Variants in RC3H2 observed in about 807,000 individuals in gnomAD.
The protein encoded by RC3H2 is ring finger and CCCH-type domains 2.
In RC3H2, 31 loss-of-function variants were observed where a neutral mutation model predicts 133.3. The observed-to-expected ratio is 0.23, with a 90% CI of 0.17 to 0.31. RC3H2 has a LOEUF of 0.31. Ranked by LOEUF, RC3H2 falls within the 10% of genes least tolerant of loss-of-function variation. RC3H2 has a pLI of 1.00. For missense variants in RC3H2, 1,175 were observed against 1,437.2 expected (o/e 0.82, Z 2.95); for synonymous variants, 517 against 502.2 (o/e 1.03, Z -0.40).
At position 122,890,528 on chromosome 9, in the gene RC3H2, G is replaced by C; in HGVS notation, c.367C>G (p.Gln123Glu). 6.2e-7 allele frequency: 1 copy of C among 1,612,474 alleles called. No homozygotes were observed. Among genetic ancestry groups the C allele is most frequent in the Non-Finnish European group, 8.5e-7 (1 of 1,178,606 alleles). Residue 123 changes from glutamine to glutamate, a missense_variant, in exon 4 of 21, where the codon CAG becomes GAG. Transcript: ENST00000357244. The stretch of plus-strand genomic sequence containing the variant: ...TGCATTGGACGGCTCAGTGCACTCT[G>C]GTTCAAGCTAGCTACACCTTTAGGA... Reference protein sequence around the residue: ...SGGKGVASLNQSALSRPMQRK... With the variant: ...SGGKGVASLNESALSRPMQRK...
At position 122,891,811 on chromosome 9, in the gene RC3H2, A is replaced by G. The variant is rs16912294; in HGVS notation, c.349+1098T>C. Reference sequence around the variant, plus strand: ...AAATACTCAATATATTCAATCATTCAACAATTGTTTATTATACCTATGATG... The same window carrying G: ...AAATACTCAATATATTCAATCATTCGACAATTGTTTATTATACCTATGATG... On this transcript the variant is annotated intron_variant, in intron 3 of 20. Coordinates refer to ENST00000357244, the MANE Select transcript of RC3H2 (RefSeq NM_001100588.3). Among the ~76,000 whole-genome samples the G allele has an allele frequency of 9.3e-3, 1,410 of 152,348 alleles. 27 individuals are homozygous for G. The highest frequency in any genetic ancestry group is 0.032 in the African/African-American group (1,341 of 41,580).
intron 1 of RC3H2, among the ~76,000 whole-genome samples, chr9:122,901,641 G>C (rs2131513188): frequency 6.8e-6 from 1 of 147,750 alleles, no homozygotes. Flanking sequence ...GCCTAGGCTG[G>C]AGTGCGGTGG....
chr9:122,883,512 G>A, intron 4 of RC3H2, 133 bp from the exon 5 acceptor site: 3 of 570,214 alleles, frequency 5.3e-6, no homozygotes, highest in Non-Finnish European at 8.8e-6. Flanking sequence ...AGCACAAAGA[G>A]GACATCACAC....
In RC3H2 at chr9:122,846,656, A is replaced by C. The variant is rs1214054392; in HGVS notation, c.*2971T>G. On this transcript the variant is annotated 3_prime_UTR_variant, in exon 21 of 21. Transcript: ENST00000357244. ...TCCAGACCTCAGACTATTTTTTCTG[A>C]TTAGACAATAGGTAACATATGCAGT... The C allele has an allele frequency of 6.6e-6, 1 of 152,174 alleles. No individual in the cohort carries two copies. Among genetic ancestry groups the C allele is most frequent in the Admixed American group, 6.5e-5 (1 of 15,270 alleles). The allele number at this position is 152,174 out of a possible 1,614,324, so 9.4% of individuals were successfully genotyped here.
intron 8 of RC3H2, among the ~76,000 whole-genome samples, chr9:122,878,452 A>G (rs1831440424): frequency 6.6e-6 from 1 of 151,870 alleles, no homozygotes; most frequent in South Asian, 2.1e-4. Flanking sequence ...TTGTATTTTT[A>G]GTAGAGATGG....
intron 9 of RC3H2, among the ~76,000 whole-genome samples, chr9:122,866,496 A>T (rs1346889115): frequency 2.0e-5 from 3 of 150,516 alleles, no homozygotes; most frequent in African/African-American, 7.4e-5. Context: ...GCTCACTGCA[A>T]CCTCCCTGCC....
chr9:122,884,042 T>C (rs899697007), intron 4 of RC3H2, among the ~76,000 whole-genome samples: 10 of 152,034 alleles, frequency 6.6e-5, no homozygotes, highest in Middle Eastern at 3.4e-3. Context: ...CGTCTGTAAT[T>C]CCAGCACTTT....
intron 18 of RC3H2, among the ~76,000 whole-genome samples, chr9:122,852,144 C>G (rs1363907996): frequency 6.7e-6 from 1 of 149,924 alleles, no homozygotes; most frequent in African/African-American, 2.5e-5. Context: ...CGCCTCTGCC[C>G]CGCCGCCCTG....
intron 3 of RC3H2, among the ~76,000 whole-genome samples, chr9:122,890,917 C>T (rs1317878512): frequency 6.6e-6 from 1 of 151,904 alleles, no homozygotes; most frequent in Non-Finnish European, 1.5e-5. Context: ...TTGAACATTT[C>T]CATCATTACA....
chr9:122,871,790 C>T (rs1831114906), intron 9 of RC3H2, among the ~76,000 whole-genome samples: 1 of 152,050 alleles, frequency 6.6e-6, no homozygotes, highest in Admixed American at 6.6e-5. Context: ...ACAATGTAAG[C>T]CCCCGGAGGA....
intron 9 of RC3H2, among the ~76,000 whole-genome samples, chr9:122,868,600 G>T (rs375190526): frequency 6.6e-6 from 1 of 151,904 alleles, no homozygotes; most frequent in Non-Finnish European, 1.5e-5. Flanking sequence ...GGACACAAAC[G>T]CTGCGGAAGG....
intron 9 of RC3H2, among the ~76,000 whole-genome samples, chr9:122,868,381 A>G (rs574562848): frequency 6.6e-6 from 1 of 152,126 alleles, no homozygotes; most frequent in Non-Finnish European, 1.5e-5. Context: ...GAGACTTTTC[A>G]TTTTGTTCTG....
intron 4 of RC3H2, among the ~76,000 whole-genome samples, chr9:122,888,359 G>GT (rs1832021353): frequency 6.6e-6 from 1 of 152,074 alleles, no homozygotes; most frequent in Non-Finnish European, 1.5e-5. Flanking sequence ...ATTTAAAGTT[G>GT]TTTTATAATT....
At chr9:122,853,240 G>A (rs923016453) in intron 18 of RC3H2, among the ~76,000 whole-genome samples, 10 of 151,686 alleles carry the variant, frequency 6.6e-5, no homozygotes, top group Admixed American at 1.3e-4. Context: ...GGACACAAAC[G>A]CTGCGGAAGG....
At chr9:122,857,481 C>T (rs191942082) in intron 13 of RC3H2, among the ~76,000 whole-genome samples, 2 of 152,304 alleles carry the variant, frequency 1.3e-5, no homozygotes, top group Admixed American at 6.5e-5. Flanking sequence ...CATATCCCAG[C>T]TATTTACAGC....
rs761362500 is a variant in RC3H2 at position 122,858,713 on chromosome 9, A to G, written c.2239T>C (p.Cys747Arg). ...NSLDGYYSVA[C>R]QPPSEPRTTV... ...GTCCTTGGCTCACTTGGTGGCTGACAAGCCACCGAATAATATCCATCTAAT... is the reference window on the plus strand; with the variant it reads ...GTCCTTGGCTCACTTGGTGGCTGACGAGCCACCGAATAATATCCATCTAAT... Residue 747 changes from cysteine (C) to arginine (R), a missense_variant, in exon 12 of 21, where the codon TGT becomes CGT. By Grantham distance (180) the Cys-to-Arg change is radical. This residue lies in a region of RC3H2 where 490 missense variants were observed against 492.8 expected (regional missense o/e 0.99). Coordinates refer to ENST00000357244, the MANE Select transcript of RC3H2 (RefSeq NM_001100588.3). 6.2e-7 allele frequency: 1 copy of G among 1,613,246 alleles called. No homozygotes were observed. Among genetic ancestry groups the G allele is most frequent in the South Asian group, 1.1e-5 (1 of 91,084 alleles).
chr9:122,875,438 T>C (rs1831292679), intron 9 of RC3H2: 1 of 1,444,666 alleles, frequency 6.9e-7, no homozygotes, highest in African/African-American at 1.4e-5. Flanking sequence ...TTTTTATAAA[T>C]AAAGTTTACA....
intron 5 of RC3H2, among the ~76,000 whole-genome samples, chr9:122,881,928 G>C (rs1400864180): frequency 6.6e-6 from 1 of 152,150 alleles, no homozygotes; most frequent in African/African-American, 2.4e-5. Context: ...AAGGAATCCA[G>C]CTAATAGGTA....
intron 9 of RC3H2, among the ~76,000 whole-genome samples, chr9:122,868,328 A>G (rs974205651): frequency 5.0e-4 from 76 of 152,214 alleles, no homozygotes; most frequent in African/African-American, 1.7e-3. Context: ...AAGATTGAGA[A>G]ATCGGATGGT....
Sources: allele counts gnomAD v4.1 joint callset (sites outside exome capture counted in the v4.1 genomes callset), GRCh38; gene constraint gnomAD v4.1.1; regional missense constraint gnomAD v4.1.1; transcripts MANE v1.5; gene names NCBI Gene and HGNC (gene_info 2026-07-23, HGNC 2026-07-21).